Variants in ZDHHC11 observed in about 807,000 individuals in gnomAD.
The protein encoded by ZDHHC11 is palmitoyltransferase ZDHHC11.
Under a neutral mutation model 51.3 loss-of-function variants are expected in ZDHHC11, and 44 were observed. The ratio of observed to expected loss-of-function variants is 0.86; its 90% confidence interval spans 0.67 to 1.10. The LOEUF (loss-of-function observed/expected upper bound fraction) is 1.10. Ranked by LOEUF, ZDHHC11 falls within the 50% of genes least tolerant of loss-of-function variation. ZDHHC11 has a pLI of 0.00. For missense variants in ZDHHC11, 400 were observed against 537.7 expected, an observed-to-expected ratio of 0.74 and a Z score of 2.53; for synonymous variants, 163 against 222.0, an observed-to-expected ratio of 0.73 and a Z score of 2.36.
intron 10 of ZDHHC11, chr5:816,353 C>A (rs1427307404): frequency 8.4e-6 from 3 of 357,162 alleles, no homozygotes; most frequent in Non-Finnish European, 1.6e-5. Flanking sequence ...CAGATGGCGG[C>A]AGCAGCTGCA....
At chr5:843,908 A>ATGT (rs1561292758) in intron 3 of ZDHHC11, among the ~76,000 whole-genome samples, 184 bp from the exon 4 acceptor site, 7 of 106,574 alleles carry the variant, frequency 6.6e-5, no homozygotes, top group Non-Finnish European at 1.3e-4. Flanking sequence ...AGGCAGGGGC[A>ATGT]GGGACACGCA....
chr5:824,662 C>A (rs1191083881), intron 8 of ZDHHC11, among the ~76,000 whole-genome samples: 1 of 147,232 alleles, frequency 6.8e-6, no homozygotes, highest in Non-Finnish European at 1.5e-5. Flanking sequence ...ATAACCACAC[C>A]CCCCCACATA....
At chr5:860,174 G>C (rs143029041), upstream of ZDHHC11, among the ~76,000 whole-genome samples, 19 of 152,304 alleles carry the variant, frequency 1.2e-4, 1 homozygote, top group East Asian at 3.3e-3. The surrounding 1 kb of genome is among the most constrained non-coding windows in gnomAD (Gnocchi z 4.2). Context: ...CGACATGGGG[G>C]GAAGGGGCAG....
At chr5:798,517 T>C (rs1479474686) in intron 12 of ZDHHC11, among the ~76,000 whole-genome samples, 2 of 149,578 alleles carry the variant, frequency 1.3e-5, no homozygotes, top group African/African-American at 2.4e-5. Flanking sequence ...TCACTCCTTC[T>C]TTCTTTCCCC....
chr5:802,495 T>C (rs1427713036), intron 11 of ZDHHC11, among the ~76,000 whole-genome samples: 2 of 143,426 alleles, frequency 1.4e-5, no homozygotes, highest in Non-Finnish European at 3.0e-5. Context: ...AATTGTGTTG[T>C]AAAAGTGTGT....
At chr5:850,033 A>G (rs1000061653) in intron 1 of ZDHHC11, among the ~76,000 whole-genome samples, 1 of 152,222 alleles carries the variant, frequency 6.6e-6, no homozygotes, top group Non-Finnish European at 1.5e-5. Context: ...CCTTGGCACC[A>G]GGGGCAAGGA....
intron 3 of ZDHHC11, 160 bp from the exon 4 acceptor site, chr5:843,884 G>T: frequency 2.2e-6 from 1 of 455,998 alleles, no homozygotes; most frequent in Non-Finnish European, 3.3e-6. Context: ...TGTGGGACAG[G>T]TGTGGGGGCG....
intron 4 of ZDHHC11, chr5:841,808 G>A (rs1745021717): frequency 1.0e-6 from 1 of 995,134 alleles, no homozygotes. Context: ...GCAGAGGGTG[G>A]GGCAAGGCAG....
intron 11 of ZDHHC11, among the ~76,000 whole-genome samples, chr5:803,346 T>G (rs1738767247): frequency 6.6e-6 from 1 of 151,458 alleles, no homozygotes; most frequent in African/African-American, 2.4e-5. Context: ...TGTTTGTAGC[T>G]TGTTTGTAGC....
At chr5:817,701 G>T (rs1236842579) in intron 10 of ZDHHC11, among the ~76,000 whole-genome samples, 1 of 151,278 alleles carries the variant, frequency 6.6e-6, no homozygotes, top group Non-Finnish European at 1.5e-5. Context: ...CTGTGTGTGT[G>T]TGTTTGGCAT....
chr5:812,579 G>A (rs375594), intron 11 of ZDHHC11, among the ~76,000 whole-genome samples: 51,041 of 144,044 alleles, frequency 0.35, 14,194 homozygotes, highest in African/African-American at 0.76. Context: ...TGCTGAAAAG[G>A]GTGAGGAAAT....
At chr5:815,374 C>CAA (rs1356755917) in intron 10 of ZDHHC11, among the ~76,000 whole-genome samples, 2 of 146,034 alleles carry the variant, frequency 1.4e-5, no homozygotes, top group East Asian at 2.2e-4. Flanking sequence ...TGTGTGCACA[C>CAA]ACGTTGTTCT....
At chr5:824,198 C>A (rs893524729) in intron 8 of ZDHHC11, 1 of 398,092 alleles carries the variant, frequency 2.5e-6, no homozygotes, top group Admixed American at 3.0e-5. Context: ...GTGGCTCACG[C>A]CTCTAATCCC....
intron 11 of ZDHHC11, among the ~76,000 whole-genome samples, chr5:811,754 C>T (rs1398980505): frequency 2.0e-5 from 3 of 150,826 alleles, no homozygotes; most frequent in Non-Finnish European, 3.0e-5. Context: ...GGAACCGAAA[C>T]AAAATGTATT....
At chr5:806,095 A>T (rs1362591562) in intron 11 of ZDHHC11, among the ~76,000 whole-genome samples, 1 of 151,136 alleles carries the variant, frequency 6.6e-6, no homozygotes, top group African/African-American at 2.4e-5. Flanking sequence ...TAGTGATCAT[A>T]ATACTGAATA....
upstream of ZDHHC11, among the ~76,000 whole-genome samples, chr5:855,232 CAGAGGACAGCGAGCCGGGGG>C (rs575254723): frequency 1.9e-3 from 273 of 147,188 alleles, 2 homozygotes; most frequent in African/African-American, 6.7e-3. Context: ...ACAGACCCCA[CAGAGGACAGCGAGCCGGGGG>C]GAGAGACACC....
chr5:805,872 G>A (rs1226417671), intron 11 of ZDHHC11, among the ~76,000 whole-genome samples: 1 of 151,264 alleles, frequency 6.6e-6, no homozygotes, highest in Non-Finnish European at 1.5e-5. Context: ...GAGGGTCCCA[G>A]GGGCAAGGGT....
At chr5:797,566 G>A (rs1474285792) in intron 12 of ZDHHC11, among the ~76,000 whole-genome samples, 1 of 151,012 alleles carries the variant, frequency 6.6e-6, no homozygotes, top group East Asian at 1.9e-4. Flanking sequence ...CTAATTTGTT[G>A]TTAAATCCAT....
chr5:824,760 CATTTT>C (rs71683348), intron 8 of ZDHHC11, among the ~76,000 whole-genome samples: 30,747 of 144,824 alleles, frequency 0.21, 4,118 homozygotes, highest in African/African-American at 0.47. Flanking sequence ...CTTTCCTAAG[CATTTT>C]ATTTAAAAAA....
Sources: allele counts gnomAD v4.1 joint callset (sites outside exome capture counted in the v4.1 genomes callset), GRCh38; gene constraint gnomAD v4.1.1; non-coding constraint Gnocchi (gnomAD v3.1); transcripts MANE v1.5; gene names NCBI Gene and HGNC (gene_info 2026-07-23, HGNC 2026-07-21).